The following CCDC33 variants were observed in gnomAD, a reference collection of about 807,000 sequenced individuals.
CCDC33 encodes the protein coiled-coil domain-containing protein 33.
In CCDC33, 94 loss-of-function variants were observed where a neutral mutation model predicts 91.9. The observed-to-expected ratio is 1.02, with a 90% confidence interval of 0.87 to 1.21. The LOEUF (loss-of-function observed/expected upper bound fraction) is 1.21, where lower values mean the gene tolerates loss of function less well. CCDC33 is among the 50% of genes most tolerant of loss of function. The pLI is 0.00. For missense variants in CCDC33, 940 were observed against 935.5 expected (o/e 1.00, Z -0.06); for synonymous variants, 396 against 374.5 (o/e 1.06, Z -0.66).
intron 10 of CCDC33, among the ~76,000 whole-genome samples, chr15:74,286,588 T>C (rs1055550990): frequency 3.9e-5 from 6 of 152,180 alleles, no homozygotes; most frequent in Admixed American, 1.3e-4. Flanking sequence ...CCTGCCTCTC[T>C]GCCTGGAAAT....
At position 74,333,189 on chromosome 15, in the gene CCDC33, G is replaced by A. The variant is rs776709506; in HGVS notation, c.1938+344G>A. The A allele has an allele frequency of 9.3e-6, 14 of 1,513,048 alleles. No homozygotes were observed. The South Asian group carries it at 1.1e-4, about 12-fold the overall frequency. The allele number at this position is 1,513,048 out of a possible 1,614,324, so 93.7% of individuals were successfully genotyped here. Reference sequence around the variant, plus strand: ...CCTTCTGGAGCATTCCCTGGTCTTGGTGCAGCCTTGGAGAGCCCTTTTCCA... The same window carrying A: ...CCTTCTGGAGCATTCCCTGGTCTTGATGCAGCCTTGGAGAGCCCTTTTCCA... On this transcript the variant is annotated intron_variant, in intron 16 of 18. Transcript: ENST00000398814.
chr15:74,295,879 G>T lies in CCDC33; in HGVS notation c.1221G>T (p.Met407Ile), dbSNP rs749075303. The change falls in exon 11 of 19, where the codon ATG becomes ATT. Residue 407 changes from methionine (M) to isoleucine (I), a missense_variant. Transcript: ENST00000398814. ...CCAAGGACACAGTGAGCTCCACAAT[G>T]GACTTGAGCACGTCCACTCCACGAG... ...SWSKDTVSSTMDLSTSTPREA... is the reference protein window; with the variant it reads ...SWSKDTVSSTIDLSTSTPREA... 2 of 1,614,138 alleles carry T rather than the reference G, an allele frequency of 1.2e-6. No homozygotes were observed. Among genetic ancestry groups the T allele is most frequent in the Non-Finnish European group, 1.7e-6 (2 of 1,180,004 alleles).
chr15:74,310,430 G>T (rs990708703), intron 11 of CCDC33, among the ~76,000 whole-genome samples: 36 of 151,696 alleles, frequency 2.4e-4, no homozygotes, highest in African/African-American at 8.2e-4. Flanking sequence ...CCAGCTACTT[G>T]AGAGGCTGAA....
At chr15:74,251,527 C>T (rs1362874878) in intron 2 of CCDC33, among the ~76,000 whole-genome samples, 1 of 152,210 alleles carries the variant, frequency 6.6e-6, no homozygotes. Context: ...GCTGCTTCTT[C>T]GGCTGCCTGC....
chr15:74,298,830 A>C (rs557115132), intron 11 of CCDC33, among the ~76,000 whole-genome samples: 16 of 148,178 alleles, frequency 1.1e-4, no homozygotes, highest in Admixed American at 3.5e-4. Context: ...CTCCTTCCTC[A>C]GCCTCTTGAG....
intron 2 of CCDC33, among the ~76,000 whole-genome samples, chr15:74,257,109 T>C (rs2075889377): frequency 6.6e-6 from 1 of 152,042 alleles, no homozygotes; most frequent in South Asian, 2.1e-4. Flanking sequence ...TACTCCAGAG[T>C]CAGTTATTCT....
chr15:74,207,380 C>T (rs1467231571), intron 1 of CCDC33, among the ~76,000 whole-genome samples: 1 of 152,132 alleles, frequency 6.6e-6, no homozygotes, highest in Non-Finnish European at 1.5e-5. Context: ...TCAGTATTGC[C>T]CCCAAGAAGC....
chr15:74,336,059 A>C lies in CCDC33; in HGVS notation c.*6A>C, dbSNP rs780626206. The C allele has an allele frequency of 2.5e-6, 4 of 1,613,434 alleles. No individual in the cohort carries two copies. Among genetic ancestry groups the C allele is most frequent in the Admixed American group, 3.3e-5 (2 of 59,996 alleles). On this transcript the variant is annotated 3_prime_UTR_variant, in exon 19 of 19. Coordinates refer to ENST00000398814, the MANE Select transcript of CCDC33 (RefSeq NM_025055.5). ...CTAACTCTCAGCAGACCTGAGCCCC[A>C]GAGCAGGCCTCCTTCCCTGTGTGCT...
At chr15:74,312,284 T>C (rs1164839523) in intron 11 of CCDC33, among the ~76,000 whole-genome samples, 1 of 152,212 alleles carries the variant, frequency 6.6e-6, no homozygotes, top group African/African-American at 2.4e-5. Flanking sequence ...ACACCCCCGC[T>C]AGGCACATCT....
At chr15:74,317,792 G>A (rs2060119426) in intron 11 of CCDC33, among the ~76,000 whole-genome samples, 1 of 152,038 alleles carries the variant, frequency 6.6e-6, no homozygotes, top group African/African-American at 2.4e-5. Flanking sequence ...CCCCAGGAGG[G>A]GGTCTCCGCA....
upstream of CCDC33, among the ~76,000 whole-genome samples, chr15:74,231,787 G>A (rs944374633): frequency 2.0e-5 from 3 of 152,128 alleles, no homozygotes; most frequent in Non-Finnish European, 2.9e-5. Context: ...AGGCTGAGGC[G>A]GGTGGATCAC....
chr15:74,298,538 TG>T (rs1178614866), intron 11 of CCDC33, among the ~76,000 whole-genome samples: 2 of 152,062 alleles, frequency 1.3e-5, no homozygotes, highest in Non-Finnish European at 2.9e-5. Context: ...TTTGGTTTTT[TG>T]TTTGTTTGTT....
rs550998123 is a variant in CCDC33 at position 74,253,536 on chromosome 15, C to G, written c.186-8904C>G. ...AATCCCGTTGATCTCCTCGTTCCCC[C>G]CCTCCTTCTCTGAGGCTCCCCCTAT... On this transcript the variant is annotated intron_variant, in intron 2 of 18. Transcript: ENST00000398814. Among the ~76,000 whole-genome samples, 170 of 152,274 alleles carry G rather than the reference C, an allele frequency of 1.1e-3. 1 individual carries two copies. Among genetic ancestry groups the G allele is most frequent in the African/African-American group, 3.9e-3 (162 of 41,534 alleles).
At chr15:74,290,234 A>G (rs547253047) in intron 10 of CCDC33, among the ~76,000 whole-genome samples, 87 of 151,676 alleles carry the variant, frequency 5.7e-4, no homozygotes, top group African/African-American at 2.1e-3. Context: ...CTGGAGCACA[A>G]TAGCATGATC....
chr15:74,303,018 T>C (rs2059824338), intron 11 of CCDC33: 1 of 152,290 alleles, frequency 6.6e-6, no homozygotes, highest in South Asian at 2.1e-4. Flanking sequence ...ACACCCAGGA[T>C]GGGGTCTGCA....
intron 2 of CCDC33, among the ~76,000 whole-genome samples, chr15:74,252,221 T>C (rs1055505718): frequency 6.6e-6 from 1 of 152,210 alleles, no homozygotes; most frequent in Admixed American, 6.5e-5. Flanking sequence ...CCAGAGAAGA[T>C]GCAGTGACTA....
At chr15:74,230,934 T>G (rs905365748) in intron 2 of CCDC33, among the ~76,000 whole-genome samples, 1 of 152,170 alleles carries the variant, frequency 6.6e-6, no homozygotes, top group Non-Finnish European at 1.5e-5. Flanking sequence ...TCATCATGCT[T>G]TTTTTCTTTG....
At chr15:74,320,782 T>C (rs1056821338) in intron 11 of CCDC33, among the ~76,000 whole-genome samples, 2 of 152,166 alleles carry the variant, frequency 1.3e-5, no homozygotes, top group Non-Finnish European at 2.9e-5. Context: ...GGCTATGCCC[T>C]TGCCGCTTCG....
At chr15:74,211,487 G>A (rs974530158) in intron 2 of CCDC33, among the ~76,000 whole-genome samples, 2 of 135,986 alleles carry the variant, frequency 1.5e-5, no homozygotes, top group South Asian at 2.6e-4. Context: ...TGCAACCTCC[G>A]CCTCCTGGGT....
Sources: gnomAD v4.1 joint callset for allele counts (sites outside exome capture counted in the v4.1 genomes callset) on GRCh38, gnomAD v4.1.1 for gene constraint, MANE v1.5 for transcripts, NCBI Gene and HGNC (gene_info 2026-07-23, HGNC 2026-07-21) for gene names.